SLC35F1: variants seen among roughly 807,000 people sequenced by gnomAD.
SLC35F1 encodes solute carrier family 35 member F1.
Under a neutral mutation model 48.7 loss-of-function variants are expected in SLC35F1, and 14 were observed. That is an observed-to-expected ratio of 0.29 (90% confidence interval 0.19 to 0.45). The LOEUF is 0.45. SLC35F1 is among the 20% of genes least tolerant of loss of function. The pLI is 1.00. For missense variants in SLC35F1, 404 were observed against 500.0 expected (o/e 0.81, Z 1.83); for synonymous variants, 190 against 202.2 (o/e 0.94, Z 0.51).
chr6:118,054,126 G>A (rs1051454993), intron 1 of SLC35F1, among the ~76,000 whole-genome samples: 9 of 152,134 alleles, frequency 5.9e-5, no homozygotes, highest in Admixed American at 5.9e-4. Flanking sequence ...ATTGTTTGGA[G>A]TCTTGATTTA....
rs1265056486 is a variant in SLC35F1, at chr6:118,176,773, G to A, written c.349+22153G>A. ...TTTTGAGCTTGGGAATAAGCACATC[G>A]TTTAGTTGTATTATACTTTATGTTG... On this transcript the variant is annotated intron_variant, in intron 2 of 7. Transcript: ENST00000360388. 2.6e-5 allele frequency among the ~76,000 whole-genome samples: 4 copies of A among 151,990 alleles called. No individual in the cohort carries two copies. In the South Asian group the frequency reaches 8.3e-4, roughly 31 times the overall value.
intron 1 of SLC35F1, among the ~76,000 whole-genome samples, chr6:117,965,928 G>A (rs914103439): frequency 1.3e-5 from 2 of 152,024 alleles, no homozygotes; most frequent in South Asian, 2.1e-4. Context: ...CTAGCTAAAG[G>A]ATTATAAATA....
intron 1 of SLC35F1, among the ~76,000 whole-genome samples, chr6:117,938,082 C>T (rs1371928662): frequency 6.6e-6 from 1 of 152,106 alleles, no homozygotes; most frequent in South Asian, 2.1e-4. Context: ...TGAAATCAGG[C>T]CTTAGGCAAC....
chr6:118,189,823 G>T (rs1774707997), intron 2 of SLC35F1, among the ~76,000 whole-genome samples: 1 of 152,238 alleles, frequency 6.6e-6, no homozygotes, highest in Non-Finnish European at 1.5e-5. Flanking sequence ...GTGATATACA[G>T]AAATCCAAAG....
chr6:118,014,961 G>A (rs974414514), intron 1 of SLC35F1, among the ~76,000 whole-genome samples: 3 of 152,150 alleles, frequency 2.0e-5, no homozygotes, highest in African/African-American at 7.2e-5. Context: ...ATTTCCACGT[G>A]TTGTGGGAGG....
intron 1 of SLC35F1, among the ~76,000 whole-genome samples, chr6:118,075,735 TATATCTAAATAAAC>T (rs2114309241): frequency 6.6e-6 from 1 of 152,336 alleles, no homozygotes; most frequent in African/African-American, 2.4e-5. Context: ...TTTTAAAGTA[TATATCTAAATAAAC>T]ATGCTTATGA....
intron 2 of SLC35F1, among the ~76,000 whole-genome samples, chr6:118,162,851 T>G (rs940949226): frequency 1.3e-5 from 2 of 152,176 alleles, no homozygotes; most frequent in African/African-American, 4.8e-5. Flanking sequence ...GTGCTTACAG[T>G]GCTTACAGGG....
chr6:117,945,850 GT>G (rs2114823330), intron 1 of SLC35F1, among the ~76,000 whole-genome samples: 1 of 152,250 alleles, frequency 6.6e-6, no homozygotes, highest in Non-Finnish European at 1.5e-5. Flanking sequence ...CAATATTATG[GT>G]CCCCCAGAGT....
chr6:118,080,139 C>T (rs995399343), intron 1 of SLC35F1, among the ~76,000 whole-genome samples: 2 of 152,194 alleles, frequency 1.3e-5, no homozygotes. Flanking sequence ...CCTACCAGCT[C>T]CTGAAGTAAT....
At chr6:118,168,364 A>G (rs1461443840) in intron 2 of SLC35F1, among the ~76,000 whole-genome samples, 2 of 152,172 alleles carry the variant, frequency 1.3e-5, no homozygotes, top group Non-Finnish European at 2.9e-5. Context: ...CCTTATATAT[A>G]TATTATGTTT....
chr6:118,277,659 C>CA, intron 6 of SLC35F1, 113 bp downstream of exon 6: 1 of 883,142 alleles, frequency 1.1e-6, no homozygotes, highest in Non-Finnish European at 1.9e-6. Context: ...TGGTAGGGGA[C>CA]AAGGGAAAAT....
chr6:118,029,117 A>G (rs1420178332), intron 1 of SLC35F1, among the ~76,000 whole-genome samples: 2 of 124,528 alleles, frequency 1.6e-5, no homozygotes, highest in Non-Finnish European at 3.6e-5. Context: ...GTAGCATGTA[A>G]ACAGATGAAG....
intron 1 of SLC35F1, among the ~76,000 whole-genome samples, chr6:118,052,410 T>G (rs1333603544): frequency 6.6e-6 from 1 of 152,188 alleles, no homozygotes; most frequent in Non-Finnish European, 1.5e-5. Flanking sequence ...CATTTTCTGA[T>G]GTATAAATAA....
chr6:118,130,864 G>A (rs1773699645), intron 1 of SLC35F1, among the ~76,000 whole-genome samples: 1 of 152,000 alleles, frequency 6.6e-6, no homozygotes, highest in Non-Finnish European at 1.5e-5. Flanking sequence ...CAGAACTAAA[G>A]CCAATAAGGA....
At chr6:118,127,996 C>G (rs907352262) in intron 1 of SLC35F1, among the ~76,000 whole-genome samples, 4 of 151,840 alleles carry the variant, frequency 2.6e-5, no homozygotes, top group African/African-American at 4.8e-5. Context: ...AAAAAGTGGG[C>G]AAAGGATATG....
chr6:118,268,159 C>T (rs1775801608), intron 4 of SLC35F1, among the ~76,000 whole-genome samples: 1 of 152,166 alleles, frequency 6.6e-6, no homozygotes, highest in Admixed American at 6.5e-5. Context: ...TTGTAATTGA[C>T]ATATGTGAAC....
chr6:118,254,997 G>C (rs191672022), intron 3 of SLC35F1, among the ~76,000 whole-genome samples: 1 of 152,286 alleles, frequency 6.6e-6, no homozygotes, highest in Admixed American at 6.5e-5. Context: ...CCCCCAACCA[G>C]TGACCATTTT....
intron 1 of SLC35F1, among the ~76,000 whole-genome samples, chr6:117,947,022 A>G (rs1478168652): frequency 6.6e-6 from 1 of 152,222 alleles, no homozygotes; most frequent in Non-Finnish European, 1.5e-5. Flanking sequence ...AAGATAGACA[A>G]TAATAAGGTA....
At chr6:118,093,302 C>A in intron 1 of SLC35F1, among the ~76,000 whole-genome samples, 1 of 151,474 alleles carries the variant, frequency 6.6e-6, no homozygotes, top group East Asian at 1.9e-4. Context: ...GGTGACAGAG[C>A]GAGACTCCAT....
Sources: gnomAD v4.1 joint callset for allele counts (sites outside exome capture counted in the v4.1 genomes callset) on GRCh38, gnomAD v4.1.1 for gene constraint, MANE v1.5 for transcripts, NCBI Gene and HGNC (gene_info 2026-07-23, HGNC 2026-07-21) for gene names.